Variants in WDR72 observed in about 807,000 individuals in gnomAD.
WDR72 encodes the protein WD repeat domain 72, also known as WD repeat-containing protein 72.
A neutral mutation model predicts 124.2 loss-of-function variants in WDR72; 120 were observed. That is an observed-to-expected ratio of 0.97 (90% CI 0.83 to 1.12). The LOEUF (loss-of-function observed/expected upper bound fraction) is 1.12. Ranked by LOEUF, WDR72 falls within the 50% of genes most tolerant of loss-of-function variation. The pLI is 0.00. For synonymous variants in WDR72, 452 were observed against 441.7 expected (o/e 1.02, Z -0.29); for missense variants, 1,387 against 1,278.8 (o/e 1.08, Z -1.29).
At chr15:53,560,509 T>A (rs1022925551) in intron 18 of WDR72, among the ~76,000 whole-genome samples, 12 of 151,814 alleles carry the variant, frequency 7.9e-5, no homozygotes, top group Non-Finnish European at 1.6e-4. Context: ...TCCTGTGCAG[T>A]TTCACTCCAA....
At chr15:53,615,124 G>C (rs770243242) in intron 15 of WDR72, among the ~76,000 whole-genome samples, 20 of 152,008 alleles carry the variant, frequency 1.3e-4, no homozygotes, top group East Asian at 3.9e-4. Flanking sequence ...ATGTATGTAT[G>C]TATCTATCTA....
chr15:53,583,817 A>G (rs923680199), intron 18 of WDR72, among the ~76,000 whole-genome samples: 1 of 151,998 alleles, frequency 6.6e-6, no homozygotes, highest in African/African-American at 2.4e-5. Context: ...TGATGTAATG[A>G]CTCTAGAATT....
Position 53,615,873 on chromosome 15 carries a change from A to G in WDR72, c.2333T>C (p.Met778Thr), listed in dbSNP as rs1566986080. 2 of 1,613,486 alleles carry G rather than the reference A, an allele frequency of 1.2e-6. No homozygotes were observed. The highest frequency in any genetic ancestry group is 1.7e-5 in the Admixed American group (1 of 59,906). ...TACTTTTCTTGATGGCTTAGGCTGC[A>G]TTTTTTTGGAGATCTTCATTTTCTT... Reference protein sequence around the residue: ...RQKKMKISKKMQPKPSRKVDA... With the variant: ...RQKKMKISKKTQPKPSRKVDA... The change falls in exon 15 of 20, where the codon ATG becomes ACG. Residue 778 changes from methionine to threonine, a missense_variant. Transcript: ENST00000360509.
At chr15:53,580,403 T>C (rs2140316756) in intron 18 of WDR72, among the ~76,000 whole-genome samples, 1 of 152,224 alleles carries the variant, frequency 6.6e-6, no homozygotes, top group Non-Finnish European at 1.5e-5. Flanking sequence ...TAGGAAATTT[T>C]AGTGAAAAGA....
At chr15:53,698,990 G>T (rs1462943224) in intron 13 of WDR72, among the ~76,000 whole-genome samples, 1 of 152,098 alleles carries the variant, frequency 6.6e-6, no homozygotes. Flanking sequence ...AAAGAAAATA[G>T]CAATTATTTT....
At chr15:53,596,241 C>T (rs1216561225) in intron 18 of WDR72, among the ~76,000 whole-genome samples, 2 of 152,024 alleles carry the variant, frequency 1.3e-5, no homozygotes, top group East Asian at 3.9e-4. Flanking sequence ...TATTTAATCA[C>T]ATGATAAATT....
chr15:53,617,928 T>C (rs1430933312), intron 14 of WDR72, among the ~76,000 whole-genome samples: 3 of 151,964 alleles, frequency 2.0e-5, no homozygotes, highest in Non-Finnish European at 2.9e-5. Flanking sequence ...AGGTATAGTT[T>C]CTGGGGTGCT....
chr15:53,688,395 C>G (rs1461643274), intron 13 of WDR72, among the ~76,000 whole-genome samples: 1 of 148,526 alleles, frequency 6.7e-6, no homozygotes, highest in Non-Finnish European at 1.5e-5. Context: ...GTACAAAAAT[C>G]ACAAGCATTC....
At position 53,552,952 on chromosome 15, in the gene WDR72, G is replaced by T. The variant is rs1893796162; in HGVS notation, c.3149-29630C>A. ...GGAAGCGGTGGAATCCCAAAGGTGG[G>T]TTGAAAGGTTCAAATCATAGCCAAG... On this transcript the variant is annotated intron_variant, in intron 18 of 19. Transcript: ENST00000360509. Among the ~76,000 whole-genome samples the T allele has an allele frequency of 2.0e-5, 3 of 152,052 alleles. No individual in the cohort carries two copies. In the South Asian group the frequency reaches 6.2e-4, roughly 32 times the overall value.
intron 18 of WDR72, among the ~76,000 whole-genome samples, chr15:53,590,902 C>T (rs188093813): frequency 4.1e-4 from 63 of 152,018 alleles, no homozygotes; most frequent in Non-Finnish European, 6.6e-4. Flanking sequence ...AAGGCATTTG[C>T]AAGATGAGAT....
At chr15:53,534,242 C>T (rs191767923) in intron 18 of WDR72, among the ~76,000 whole-genome samples, 27 of 152,240 alleles carry the variant, frequency 1.8e-4, no homozygotes, top group Middle Eastern at 3.4e-3. Flanking sequence ...GTAGTGATGA[C>T]TGAAGAAGTC....
intron 17 of WDR72, among the ~76,000 whole-genome samples, chr15:53,607,811 G>A (rs529733838): frequency 6.6e-6 from 1 of 151,902 alleles, no homozygotes; most frequent in East Asian, 1.9e-4. Flanking sequence ...AACTCTATAG[G>A]AAAAATCTAA....
intron 18 of WDR72, among the ~76,000 whole-genome samples, chr15:53,592,597 G>T (rs1465023949): frequency 6.6e-6 from 1 of 151,966 alleles, no homozygotes; most frequent in South Asian, 2.1e-4. Context: ...ATGCAATAAA[G>T]ATTATTTGCA....
Position 53,699,952 on chromosome 15 carries a change from A to G in WDR72, c.1570-7T>C. 3 of 1,614,200 alleles carry G rather than the reference A, an allele frequency of 1.9e-6. No homozygotes were observed. Among genetic ancestry groups the G allele is most frequent in the Non-Finnish European group, 2.5e-6 (3 of 1,180,024 alleles). The stretch of plus-strand genomic sequence containing the variant: ...TTATCTGCTCACCCCTTAGCTGTGA[A>G]AAAACAACATGCTTATGTAAGTAAA... On this transcript the variant is annotated splice_polypyrimidine_tract_variant and splice_region_variant and intron_variant, in intron 12 of 19. Coordinates refer to ENST00000360509, the MANE Select transcript of WDR72 (RefSeq NM_182758.4).
At position 53,665,611 on chromosome 15, in the gene WDR72, T is replaced by C. The variant is rs945439966; in HGVS notation, c.1923A>G (p.Pro641=). Residue 641 remains proline, a synonymous_variant, in exon 14 of 20, where the codon CCA becomes CCG. Transcript: ENST00000360509. ...QRSSSPYQLG[P]LPCPGLQVES... ...CCACCTGCAGACCAGGGCAAGGTAATGGCCCAAGCTGGTAGGGGCTGGAGG... is the reference window on the plus strand; with the variant it reads ...CCACCTGCAGACCAGGGCAAGGTAACGGCCCAAGCTGGTAGGGGCTGGAGG... 3.1e-6 allele frequency: 5 copies of C among 1,613,898 alleles called. No homozygotes were observed. The highest frequency in any genetic ancestry group is 2.7e-5 in the African/African-American group (2 of 75,034).
At chr15:53,642,995 T>C (rs913341791) in intron 14 of WDR72, among the ~76,000 whole-genome samples, 1 of 152,094 alleles carries the variant, frequency 6.6e-6, no homozygotes, top group African/African-American at 2.4e-5. Context: ...CTCTTCTTTG[T>C]CCTCTTTCCT....
intron 14 of WDR72, among the ~76,000 whole-genome samples, chr15:53,653,975 A>G (rs146615335): frequency 6.6e-6 from 1 of 152,198 alleles, no homozygotes; most frequent in Non-Finnish European, 1.5e-5. Flanking sequence ...GGTTTTGATT[A>G]TGCTTAAATA....
chr15:53,750,755 A>G (rs946257715), intron 1 of WDR72, among the ~76,000 whole-genome samples: 4 of 152,184 alleles, frequency 2.6e-5, no homozygotes, highest in African/African-American at 9.7e-5. Context: ...ACCCTCATAG[A>G]TGACTTGGAG....
At chr15:53,614,595 C>T (rs1322694858) in intron 15 of WDR72, among the ~76,000 whole-genome samples, 9 of 152,052 alleles carry the variant, frequency 5.9e-5, no homozygotes, top group Non-Finnish European at 1.5e-5. Flanking sequence ...GTGCACCAGA[C>T]ATCAGACACA....
Sources: gnomAD v4.1 joint callset for allele counts (sites outside exome capture counted in the v4.1 genomes callset) on GRCh38, gnomAD v4.1.1 for gene constraint, MANE v1.5 for transcripts, NCBI Gene and HGNC (gene_info 2026-07-23, HGNC 2026-07-21) for gene names.